Variants in BCCIP observed in about 807,000 individuals in gnomAD.
The protein encoded by BCCIP is BRCA2 and CDKN1A interacting protein.
BCCIP carries 23 observed loss-of-function variants against 32.8 expected under a neutral mutation model. That is an observed-to-expected ratio of 0.70 (90% CI 0.51 to 0.99). BCCIP has a LOEUF of 0.99. Ranked by LOEUF, BCCIP falls within the 50% of genes least tolerant of loss-of-function variation. The pLI is 0.00. For missense variants in BCCIP, 378 were observed against 379.8 expected, an observed-to-expected ratio of 1.00 and a Z score of 0.04; for synonymous variants, 144 against 137.6, an observed-to-expected ratio of 1.05 and a Z score of -0.33.
downstream of BCCIP, chr10:125,838,445 A>G: frequency 7.0e-7 from 1 of 1,430,724 alleles, no homozygotes; most frequent in Non-Finnish European, 9.3e-7. Context: ...ATCATTATAC[A>G]AAGATGTTTG....
At chr10:125,842,749 A>G (rs1464780665) in exon 7 of BCCIP, 2 of 863,226 alleles carry the variant, frequency 2.3e-6, no homozygotes, top group East Asian at 2.4e-4. Flanking sequence ...AGATGCTAGA[A>G]ATAGTAGACA....
intron 7 of BCCIP, chr10:125,852,641 A>T: frequency 6.2e-7 from 1 of 1,603,674 alleles, no homozygotes; most frequent in Non-Finnish European, 8.5e-7. Context: ...CGGGTTGTAC[A>T]CCTTTAAATG....
chr10:125,840,704 G>T, downstream of BCCIP: 2 of 832,372 alleles, frequency 2.4e-6, no homozygotes, highest in Non-Finnish European at 3.6e-6. Context: ...ATGCCTGTGG[G>T]TGCGTTTAGG....
downstream of BCCIP, among the ~76,000 whole-genome samples, chr10:125,840,489 C>CT (rs768305492): frequency 6.6e-6 from 1 of 152,256 alleles, no homozygotes; most frequent in Non-Finnish European, 1.5e-5. Flanking sequence ...CAGCACAACT[C>CT]TGACAGTGGG....
At chr10:125,832,031 T>C (rs1247294168) in intron 5 of BCCIP, among the ~76,000 whole-genome samples, 1 of 152,200 alleles carries the variant, frequency 6.6e-6, no homozygotes, top group Non-Finnish European at 1.5e-5. Context: ...TGGCTAGCTT[T>C]TCAGGGTTTT....
chr10:125,830,867 C>T (rs562320825), intron 4 of BCCIP, among the ~76,000 whole-genome samples: 43 of 152,292 alleles, frequency 2.8e-4, no homozygotes, highest in African/African-American at 1.0e-3. Context: ...TTTAGGGAAT[C>T]ATCTGGCTTT....
At chr10:125,827,004 A>AAAAAAAAAAAAG (rs1854408298) in intron 2 of BCCIP, among the ~76,000 whole-genome samples, 1 of 151,568 alleles carries the variant, frequency 6.6e-6, no homozygotes, top group Non-Finnish European at 1.5e-5. Flanking sequence ...TCTAAAAAAA[A>AAAAAAAAAAAAG]AGAAAATTCA....
chr10:125,852,196 G>A, intron 7 of BCCIP: 1 of 1,440,488 alleles, frequency 6.9e-7, no homozygotes, highest in Non-Finnish European at 9.4e-7. Context: ...CCATGCTTGT[G>A]TGCATTGCTG....
At chr10:125,846,110 C>A (rs564330240), downstream of BCCIP, among the ~76,000 whole-genome samples, 1 of 152,166 alleles carries the variant, frequency 6.6e-6, no homozygotes, top group East Asian at 1.9e-4. Flanking sequence ...CCTGTCTAGT[C>A]AGTATTCCTC....
At chr10:125,833,333 C>G (rs1854571730) in intron 5 of BCCIP, among the ~76,000 whole-genome samples, 1 of 152,184 alleles carries the variant, frequency 6.6e-6, no homozygotes. Flanking sequence ...GTTCCAGACT[C>G]TAGCAATTAG....
chr10:125,827,271 G>A (rs1221711392), intron 2 of BCCIP, among the ~76,000 whole-genome samples: 2 of 151,670 alleles, frequency 1.3e-5, no homozygotes, highest in African/African-American at 2.4e-5. Flanking sequence ...TAGCTCTACC[G>A]TCTTTTTCAC....
chr10:125,829,926 T>G (rs1451085480), intron 3 of BCCIP, among the ~76,000 whole-genome samples: 1 of 152,232 alleles, frequency 6.6e-6, no homozygotes, highest in Non-Finnish European at 1.5e-5. Flanking sequence ...GTCCTGAGGA[T>G]AGAGACTTCT....
chr10:125,832,655 G>T (rs570529272), intron 5 of BCCIP, among the ~76,000 whole-genome samples: 9 of 152,132 alleles, frequency 5.9e-5, no homozygotes, highest in Middle Eastern at 6.8e-3. Flanking sequence ...TGAGCCAAGC[G>T]CAGTGGTGCA....
In BCCIP at chr10:125,833,776, G is replaced by C; in HGVS notation, c.604G>C (p.Glu202Gln). The C allele has an allele frequency of 6.2e-7, 1 of 1,613,968 alleles. No individual in the cohort carries two copies. ...ALPMYQQLQK[E>Q]LAGAHRTNKP... ...TGTTGTGTGTGTGCCTTGCAGGAAA[G>C]AACTGGCGGGGGCACACAGAACCAA... is the stretch of plus-strand genomic sequence containing the variant. The change falls in exon 6 of 7, where the codon GAA (glutamate) becomes CAA (glutamine). Residue 202 changes from glutamate (E) to glutamine (Q), a missense_variant. By Grantham distance (29) the Glu-to-Gln change is conservative. Coordinates refer to ENST00000278100, the MANE Select transcript of BCCIP (RefSeq NM_078468.3).
intron 3 of BCCIP, among the ~76,000 whole-genome samples, chr10:125,828,478 C>T (rs982306114): frequency 2.6e-5 from 4 of 151,942 alleles, no homozygotes; most frequent in African/African-American, 9.7e-5. Flanking sequence ...AGTGGCAGAG[C>T]CAGCAAAGGA....
chr10:125,824,796 T>C (rs1010244433), intron 1 of BCCIP, among the ~76,000 whole-genome samples: 6 of 152,296 alleles, frequency 3.9e-5, no homozygotes, highest in African/African-American at 1.4e-4. Flanking sequence ...ATTGGCTTTC[T>C]AGTTCATTTA....
Position 125,853,294 on chromosome 10 carries a change from C to G in BCCIP, c.*51C>G, listed in dbSNP as rs7092831. ...ATAGTCTCCTGGAGGGATAAAACAT[C>G]TCGGCACCTAGTAATGGTAAATTAG... On this transcript the variant is annotated 3_prime_UTR_variant, in exon 8 of 8. Coordinates refer to the BCCIP transcript ENST00000368759. 3.5e-3 allele frequency: 3,707 copies of G among 1,058,304 alleles called. 11 individuals carry two copies. The highest frequency in any genetic ancestry group is 3.9e-3 in the Non-Finnish European group (2,947 of 747,828). 65.6% of individuals were successfully genotyped at this position (1,058,304 alleles called of 1,614,324 possible). A position where few individuals can be genotyped will look rare whatever the true frequency, so the allele number is the denominator to read the frequency against.
chr10:125,853,435 A>G (rs1944117867), exon 8 of BCCIP: 1 of 319,280 alleles, frequency 3.1e-6, no homozygotes, highest in African/African-American at 2.1e-5. Flanking sequence ...ATTTAAAAGT[A>G]ATAAAGAATA....
intron 6 of BCCIP, among the ~76,000 whole-genome samples, chr10:125,834,648 CAA>C (rs370440785): frequency 2.9e-5 from 4 of 137,290 alleles, no homozygotes; most frequent in African/African-American, 8.1e-5. Flanking sequence ...ACTAAAAATA[CAA>C]AAAAAAAAAA....
Sources: allele counts gnomAD v4.1 joint callset (sites outside exome capture counted in the v4.1 genomes callset), GRCh38; gene constraint gnomAD v4.1.1; transcripts MANE v1.5; gene names NCBI Gene and HGNC (gene_info 2026-07-23, HGNC 2026-07-21).